The following RAB3IL1 variants were observed in gnomAD, a reference collection of about 807,000 sequenced individuals.
RAB3IL1 encodes the protein guanine nucleotide exchange factor for Rab-3A.
In RAB3IL1, 37 loss-of-function variants were observed where a neutral mutation model predicts 49.2. The observed-to-expected ratio is 0.75, with a 90% CI of 0.58 to 0.99. The LOEUF is 0.99. Ranked by LOEUF, RAB3IL1 falls within the 50% of genes least tolerant of loss-of-function variation. The probability of loss-of-function intolerance (pLI) is 0.00; values close to 1 mark genes in which losing one functional copy is unlikely to be tolerated. For missense variants in RAB3IL1, 484 were observed against 513.0 expected, an observed-to-expected ratio of 0.94 and a Z score of 0.55; for synonymous variants, 193 against 213.9, an observed-to-expected ratio of 0.90 and a Z score of 0.85.
the RAB3IL1 span, among the ~76,000 whole-genome samples, chr11:61,944,013 T>C: frequency 6.6e-6 from 1 of 152,184 alleles, no homozygotes; most frequent in East Asian, 1.9e-4. Context: ...TTGTAAGCAA[T>C]AGTCTTAAAT....
chr11:61,920,816 G>A (rs966504759), upstream of RAB3IL1, among the ~76,000 whole-genome samples: 18 of 150,974 alleles, frequency 1.2e-4, no homozygotes, highest in Non-Finnish European at 2.4e-4. Context: ...TCAGCTACTC[G>A]GGAGCCTGAG....
the RAB3IL1 span, among the ~76,000 whole-genome samples, chr11:61,935,204 G>A: frequency 1.2e-4 from 19 of 152,080 alleles, no homozygotes; most frequent in African/African-American, 4.1e-4. Context: ...CATGAATCAC[G>A]AGGTCTGGGG....
intron 5 of RAB3IL1, among the ~76,000 whole-genome samples, chr11:61,905,670 T>C (rs1939149030): frequency 7.5e-6 from 1 of 134,212 alleles, no homozygotes; most frequent in Non-Finnish European, 1.8e-5. Context: ...CCTGCTCGTC[T>C]TCCCTGGAGG....
upstream of RAB3IL1, among the ~76,000 whole-genome samples, chr11:61,918,319 C>T (rs77229376): frequency 0.046 from 7,075 of 152,304 alleles, 226 homozygotes; most frequent in South Asian, 0.093. Context: ...GAGCAGAACC[C>T]GTCTTCTCTC....
At chr11:61,929,017 A>C in the RAB3IL1 span, among the ~76,000 whole-genome samples, 9 of 152,216 alleles carry the variant, frequency 5.9e-5, no homozygotes, top group African/African-American at 1.9e-4. Flanking sequence ...AAAAACAAAA[A>C]AAAATTATTT....
the RAB3IL1 span, among the ~76,000 whole-genome samples, chr11:61,926,794 C>T: frequency 6.1e-3 from 932 of 152,144 alleles, 12 homozygotes; most frequent in African/African-American, 0.021. Context: ...ACCCTGTGAT[C>T]TGCCCGCCTC....
At chr11:61,941,427 C>T in the RAB3IL1 span, among the ~76,000 whole-genome samples, 1 of 152,190 alleles carries the variant, frequency 6.6e-6, no homozygotes. Context: ...TATCCTAAAA[C>T]TAAAGCCAGA....
Position 61,904,542 on chromosome 11 carries a change from T to C in RAB3IL1, c.899+4A>G. 2 of 1,603,760 alleles carry C rather than the reference T, an allele frequency of 1.2e-6. No individual in the cohort carries two copies. The highest frequency in any genetic ancestry group is 1.1e-5 in the South Asian group (1 of 89,178). ...GCAGGAAGGAGCTAAGACCCTCAGC[T>C]TACTTGGTGCTGCTACAGTCAACCT... On this transcript the variant is annotated splice_donor_region_variant and intron_variant, in intron 7 of 9. Coordinates refer to ENST00000394836, the MANE Select transcript of RAB3IL1 (RefSeq NM_013401.4).
At position 61,906,384 on chromosome 11, in the gene RAB3IL1, C is replaced by G; in HGVS notation, c.657+82G>C. The G allele has an allele frequency of 1.1e-5, 14 of 1,268,326 alleles. No homozygotes were observed. The highest frequency in any genetic ancestry group is 1.5e-5 in the Non-Finnish European group (14 of 905,390). 78.6% of individuals were successfully genotyped at this position (1,268,326 alleles called of 1,614,324 possible). On this transcript the variant is annotated intron_variant, in intron 5 of 9. Transcript: ENST00000394836. This position sits in a 1 kb window ranked among gnomAD's most constrained non-coding sequence, Gnocchi z 4.6. ...TCCAGGTCACACAGCATGGGGCAGG[C>G]TGGTCCTCACTGGGCTCGGACCCTG...
chr11:61,934,420 A>G, the RAB3IL1 span, among the ~76,000 whole-genome samples: 3 of 61,828 alleles, frequency 4.9e-5, no homozygotes, highest in South Asian at 3.6e-4. Flanking sequence ...ATACATATAT[A>G]TGTGTATGTG....
chr11:61,906,965 T>C lies in RAB3IL1; in HGVS notation c.439-281A>G, dbSNP rs2136040327. Among the ~76,000 whole-genome samples, 1 of 152,174 alleles carries C rather than the reference T, an allele frequency of 6.6e-6. No homozygotes were observed. The highest frequency in any genetic ancestry group is 1.5e-5 in the Non-Finnish European group (1 of 67,972). ...GAGCTGGCTGGGCCTCCCATGAGAGTTCTGGGACCGCCCCCAGGAGCCAGG... is the reference window on the plus strand; with the variant it reads ...GAGCTGGCTGGGCCTCCCATGAGAGCTCTGGGACCGCCCCCAGGAGCCAGG... On this transcript the variant is annotated intron_variant, in intron 4 of 9. Coordinates refer to ENST00000394836, the MANE Select transcript of RAB3IL1 (RefSeq NM_013401.4). The surrounding 1 kb of genome is among the most constrained non-coding windows in gnomAD (Gnocchi z 4.6).
Position 61,897,988 on chromosome 11 carries a change from C to T in RAB3IL1, c.*290G>A. ...AGGTGTCCCCTCCCAAGGGCTGAGGCCCCCCGAGTATGGATCCGAGCTCCC... is the reference window on the plus strand; with the variant it reads ...AGGTGTCCCCTCCCAAGGGCTGAGGTCCCCCGAGTATGGATCCGAGCTCCC... On this transcript the variant is annotated 3_prime_UTR_variant, in exon 10 of 10. Coordinates refer to ENST00000394836, the MANE Select transcript of RAB3IL1 (RefSeq NM_013401.4). The T allele has an allele frequency of 2.6e-6, 1 of 381,524 alleles. No individual in the cohort carries two copies. Among genetic ancestry groups the T allele is most frequent in the South Asian group, 3.2e-5 (1 of 30,944 alleles). 23.6% of individuals were successfully genotyped at this position (381,524 alleles called of 1,614,324 possible).
At position 61,898,075 on chromosome 11, in the gene RAB3IL1, G is replaced by C. The variant is rs1180824163; in HGVS notation, c.*203C>G. 1 of 571,046 alleles carries C rather than the reference G, an allele frequency of 1.8e-6. No individual in the cohort carries two copies. The highest frequency in any genetic ancestry group is 3.1e-5 in the Admixed American group (1 of 31,824). 35.4% of individuals were successfully genotyped at this position (571,046 alleles called of 1,614,324 possible). The stretch of plus-strand genomic sequence containing the variant: ...GGCAGAACCCAGTGGGGAAGAGAGG[G>C]GGGTCTTGCCGTGAAGTCCAGGCCC... On this transcript the variant is annotated 3_prime_UTR_variant, in exon 10 of 10. Coordinates refer to ENST00000394836, the MANE Select transcript of RAB3IL1 (RefSeq NM_013401.4). The surrounding 1 kb of genome is among the most constrained non-coding windows in gnomAD (Gnocchi z 5.1).
At chr11:61,901,927 T>C (rs1238938483) in intron 8 of RAB3IL1, among the ~76,000 whole-genome samples, 1 of 152,200 alleles carries the variant, frequency 6.6e-6, no homozygotes, top group Non-Finnish European at 1.5e-5. Context: ...TGATAGTAAT[T>C]TGTTACACCG....
chr11:61,898,075 G>A lies in RAB3IL1; in HGVS notation c.*203C>T. 1 of 571,046 alleles carries A rather than the reference G, an allele frequency of 1.8e-6. No individual in the cohort carries two copies. The highest frequency in any genetic ancestry group is 3.1e-6 in the Non-Finnish European group (1 of 319,896). The allele number at this position is 571,046 out of a possible 1,614,324, so 35.4% of individuals were successfully genotyped here. On this transcript the variant is annotated 3_prime_UTR_variant, in exon 10 of 10. Transcript: ENST00000394836. This position sits in a 1 kb window ranked among gnomAD's most constrained non-coding sequence, Gnocchi z 5.1. ...GGCAGAACCCAGTGGGGAAGAGAGG[G>A]GGGTCTTGCCGTGAAGTCCAGGCCC...
chr11:61,931,021 C>T, the RAB3IL1 span, among the ~76,000 whole-genome samples: 1 of 152,156 alleles, frequency 6.6e-6, no homozygotes, highest in Non-Finnish European at 1.5e-5. Flanking sequence ...TGTCTCTGAA[C>T]TACGGCTACA....
At chr11:61,934,442 G>A in the RAB3IL1 span, among the ~76,000 whole-genome samples, 1 of 18,708 alleles carries the variant, frequency 5.3e-5, no homozygotes, top group African/African-American at 1.6e-4. Context: ...GTGTGTGTGT[G>A]TGTGTATGTA....
chr11:61,914,253 C>T lies in RAB3IL1; in HGVS notation c.11+3104G>A, dbSNP rs374279043. ...TGATGGCCCCTACAGCCCTGCCTGC[C>T]GCAAAAACATGCTCCCCAACCCCTG... On this transcript the variant is annotated intron_variant, in intron 1 of 9. Coordinates refer to ENST00000394836, the MANE Select transcript of RAB3IL1 (RefSeq NM_013401.4). Among the ~76,000 whole-genome samples the T allele has an allele frequency of 4.6e-5, 7 of 152,340 alleles. No homozygotes were observed. In the East Asian group the frequency reaches 5.8e-4, roughly 13 times the overall value.
chr11:61,899,357 G>A lies in RAB3IL1; in HGVS notation c.1023C>T (p.Phe341=), dbSNP rs1565355964. 6.2e-7 allele frequency: 1 copy of A among 1,609,446 alleles called. No homozygotes were observed. The highest frequency in any genetic ancestry group is 8.5e-7 in the Non-Finnish European group (1 of 1,179,792). ...RARITAVCNF[F]TYIRYIQQGL... ...CTTGCTGGATGTAGCGGATGTAGGT[G>A]AAGAAGTTGCACACTGCGGTGATCT... Residue 341 remains phenylalanine (F), a synonymous_variant, in exon 9 of 10, where the codon TTC becomes TTT. Transcript: ENST00000394836.
Sources: allele counts gnomAD v4.1 joint callset (sites outside exome capture counted in the v4.1 genomes callset), GRCh38; gene constraint gnomAD v4.1.1; non-coding constraint Gnocchi (gnomAD v3.1); transcripts MANE v1.5; gene names NCBI Gene and HGNC (gene_info 2026-07-23, HGNC 2026-07-21).